Variants in CCSER2 observed in about 807,000 individuals in gnomAD.
CCSER2 encodes serine-rich coiled-coil domain-containing protein 2.
CCSER2 carries 46 observed loss-of-function variants against 92.3 expected under a neutral mutation model. The ratio of observed to expected loss-of-function variants is 0.50; its 90% CI spans 0.39 to 0.64. The LOEUF (loss-of-function observed/expected upper bound fraction) is 0.64. CCSER2 is among the 30% of genes least tolerant of loss of function. The pLI is 0.00. For missense variants in CCSER2, 1,244 were observed against 1,238.9 expected (o/e 1.00, Z -0.06); for synonymous variants, 433 against 431.4 (o/e 1.00, Z -0.04).
chr10:84,414,184 T>A (rs1842785257), intron 3 of CCSER2, among the ~76,000 whole-genome samples: 1 of 152,218 alleles, frequency 6.6e-6, no homozygotes, highest in South Asian at 2.1e-4. Flanking sequence ...TTTGATCTTG[T>A]CATCATGATG....
chr10:84,486,433 A>G (rs1847813702), intron 9 of CCSER2, among the ~76,000 whole-genome samples: 1 of 152,158 alleles, frequency 6.6e-6, no homozygotes, highest in Admixed American at 6.6e-5. Flanking sequence ...AATGATTGCC[A>G]TTCTAACTGG....
intron 1 of CCSER2, among the ~76,000 whole-genome samples, chr10:84,333,671 G>C (rs952791580): frequency 2.6e-5 from 4 of 152,222 alleles, no homozygotes; most frequent in Admixed American, 2.0e-4. Flanking sequence ...ATAGGAAGTG[G>C]TTGAAATATT....
intron 6 of CCSER2, among the ~76,000 whole-genome samples, chr10:84,459,768 C>A (rs1443487454): frequency 6.6e-6 from 1 of 152,152 alleles, no homozygotes. Context: ...AAGCGACCTG[C>A]CCCTCTTGGC....
rs191884838 is a variant in CCSER2 at position 84,411,113 on chromosome 10, G to A, written c.1615-6658G>A. Among the ~76,000 whole-genome samples the A allele has an allele frequency of 2.7e-3, 414 of 152,128 alleles. 1 individual carries two copies. The highest frequency in any genetic ancestry group is 9.5e-3 in the African/African-American group (393 of 41,478). On this transcript the variant is annotated intron_variant, in intron 3 of 9. Transcript: ENST00000372088. Reference sequence around the variant, plus strand: ...ATTTCTGAGTTCTCTATTCTGCTCCGTTGGTCTATGTATCTATTCTTATAC... The same window carrying A: ...ATTTCTGAGTTCTCTATTCTGCTCCATTGGTCTATGTATCTATTCTTATAC...
intron 3 of CCSER2, among the ~76,000 whole-genome samples, chr10:84,383,555 C>T (rs997672870): frequency 5.3e-5 from 8 of 152,068 alleles, no homozygotes; most frequent in African/African-American, 1.2e-4. Flanking sequence ...CATGATCTAC[C>T]CACCTCAGCC....
At chr10:84,331,408 C>G (rs1843556793) in intron 1 of CCSER2, among the ~76,000 whole-genome samples, 1 of 152,204 alleles carries the variant, frequency 6.6e-6, no homozygotes. Context: ...CTATTCCTCT[C>G]AGCCAGATAG....
chr10:84,367,398 A>ACAGCATGGCTACCAAAATGAAG (rs1368356857), intron 1 of CCSER2, among the ~76,000 whole-genome samples: 9 of 151,032 alleles, frequency 6.0e-5, no homozygotes. Flanking sequence ...TTTTTTTGAA[A>ACAGCATGGCTACCAAAATGAAG]CAGGGTCTCA....
chr10:84,459,601 C>A (rs755025917), intron 6 of CCSER2, among the ~76,000 whole-genome samples: 17 of 152,222 alleles, frequency 1.1e-4, no homozygotes, highest in Admixed American at 3.3e-4. Context: ...TGACTGACCA[C>A]AGCCTTGACT....
chr10:84,381,773 CAAAAATAA>C (rs917877454), intron 3 of CCSER2, among the ~76,000 whole-genome samples: 37 of 152,000 alleles, frequency 2.4e-4, no homozygotes, highest in African/African-American at 8.7e-4. Context: ...ACTAAAAATA[CAAAAATAA>C]GCCGAGTGTG....
chr10:84,443,742 C>T (rs1844730148), intron 6 of CCSER2, among the ~76,000 whole-genome samples: 1 of 152,114 alleles, frequency 6.6e-6, no homozygotes, highest in Admixed American at 6.5e-5. Flanking sequence ...GGAACCAGCC[C>T]ACATGCCCAT....
intron 9 of CCSER2, among the ~76,000 whole-genome samples, chr10:84,507,519 A>G (rs1447051778): frequency 1.3e-5 from 2 of 152,130 alleles, no homozygotes; most frequent in African/African-American, 4.8e-5. Flanking sequence ...ACTTGTATGT[A>G]CCCAGGAAAA....
At chr10:84,443,060 G>T (rs1844673255) in intron 6 of CCSER2, among the ~76,000 whole-genome samples, 1 of 152,076 alleles carries the variant, frequency 6.6e-6, no homozygotes, top group Admixed American at 6.6e-5. Flanking sequence ...GAAAACCTAG[G>T]AAATACCATT....
chr10:84,483,525 T>C (rs992416333), intron 9 of CCSER2, among the ~76,000 whole-genome samples: 2 of 151,838 alleles, frequency 1.3e-5, no homozygotes, highest in African/African-American at 4.8e-5. Flanking sequence ...AAAAATCACA[T>C]CAAATGTTTA....
At chr10:84,349,119 A>T (rs948384599) in intron 1 of CCSER2, among the ~76,000 whole-genome samples, 3 of 152,170 alleles carry the variant, frequency 2.0e-5, no homozygotes, top group African/African-American at 7.2e-5. Flanking sequence ...TTTAAAGAGC[A>T]AAGAATGAGT....
chr10:84,381,931 A>AG (rs1840932870), intron 3 of CCSER2, among the ~76,000 whole-genome samples: 1 of 151,566 alleles, frequency 6.6e-6, no homozygotes, highest in African/African-American at 2.4e-5. Context: ...AAAAAAAAAA[A>AG]AAAAAAGAAC....
In CCSER2 at chr10:84,333,136, A is replaced by G. The variant is rs181570619; in HGVS notation, c.-40+4328A>G. Among the ~76,000 whole-genome samples the G allele has an allele frequency of 1.2e-4, 18 of 152,312 alleles. No individual in the cohort carries two copies. The East Asian group carries it at 3.3e-3, about 28-fold the overall frequency. On this transcript the variant is annotated intron_variant, in intron 1 of 9. Transcript: ENST00000372088. ...ACTAACATTTTTATGACAGCAATAT[A>G]TTGGTTAATTGAAATTTTTGTCTGT...
At chr10:84,474,956 G>C (rs1048393670) in intron 8 of CCSER2, among the ~76,000 whole-genome samples, 1 of 152,122 alleles carries the variant, frequency 6.6e-6, no homozygotes, top group African/African-American at 2.4e-5. Context: ...TTGGTCATTT[G>C]GCTGATTGAT....
chr10:84,370,949 T>G (rs1379368448), intron 1 of CCSER2, 65 bp from the exon 2 acceptor site: 1 of 715,898 alleles, frequency 1.4e-6, no homozygotes, highest in African/African-American at 1.8e-5. Context: ...TATCATATTA[T>G]GTAATAATTC....
chr10:84,391,412 A>G (rs1841511765), intron 3 of CCSER2: 1 of 1,522,452 alleles, frequency 6.6e-7, no homozygotes, highest in African/African-American at 1.4e-5. Flanking sequence ...GCAGGATAAA[A>G]TGCTAGAAGT....
Sources: gnomAD v4.1 joint callset for allele counts (sites outside exome capture counted in the v4.1 genomes callset) on GRCh38, gnomAD v4.1.1 for gene constraint, MANE v1.5 for transcripts, NCBI Gene and HGNC (gene_info 2026-07-23, HGNC 2026-07-21) for gene names.